Variants in DNAI4 observed in about 807,000 individuals in gnomAD.
The protein encoded by DNAI4 is WD repeat domain 78.
In DNAI4, 85 loss-of-function variants were observed where a neutral mutation model predicts 105.8. The observed-to-expected ratio is 0.80, with a 90% CI of 0.67 to 0.96. The LOEUF (loss-of-function observed/expected upper bound fraction) is 0.96. Ranked by LOEUF, DNAI4 falls within the 40% of genes least tolerant of loss-of-function variation. DNAI4 has a pLI of 0.00. For missense variants in DNAI4, 1,014 were observed against 1,005.6 expected, an observed-to-expected ratio of 1.01 and a Z score of -0.11; for synonymous variants, 352 against 331.5, an observed-to-expected ratio of 1.06 and a Z score of -0.67.
At chr1:66,867,553 AT>A (rs901907697) in intron 6 of DNAI4, among the ~76,000 whole-genome samples, 2 of 147,738 alleles carry the variant, frequency 1.4e-5, no homozygotes, top group East Asian at 2.0e-4. Flanking sequence ...TATTCTTTGG[AT>A]TTTTTTTTAA....
At chr1:66,904,327 C>T (rs1456000938) in intron 2 of DNAI4, among the ~76,000 whole-genome samples, 1 of 152,124 alleles carries the variant, frequency 6.6e-6, no homozygotes, top group African/African-American at 2.4e-5. Context: ...TGTCTACCAG[C>T]CATGTGAGAG....
chr1:66,891,295 T>C, intron 3 of DNAI4, 29 bp from the exon 4 acceptor site: 1 of 1,478,850 alleles, frequency 6.8e-7, no homozygotes, highest in Non-Finnish European at 9.4e-7. Flanking sequence ...AAATTACTCA[T>C]TTATTTAGAT....
At chr1:66,917,141 T>C (rs548350833) in intron 1 of DNAI4, among the ~76,000 whole-genome samples, 7 of 152,230 alleles carry the variant, frequency 4.6e-5, no homozygotes, top group Non-Finnish European at 1.0e-4. Flanking sequence ...TATGAAATGA[T>C]GTTTGGTTTT....
intron 10 of DNAI4, chr1:66,837,485 T>C (rs963115613): frequency 3.8e-6 from 2 of 519,564 alleles, no homozygotes; most frequent in African/African-American, 2.0e-5. Flanking sequence ...TATAACAGCA[T>C]ATAGTACACA....
rs1360525210 is a variant in DNAI4 at position 66,847,603 on chromosome 1, G to A, written c.1172C>T (p.Ser391Leu). 1.9e-6 allele frequency: 3 copies of A among 1,613,956 alleles called. No homozygotes were observed. In the South Asian group the frequency reaches 3.3e-5, roughly 18 times the overall value. Reference protein sequence around the residue: ...AKIHEDEEDHSDAILKSDKFH... With the variant: ...AKIHEDEEDHLDAILKSDKFH... The stretch of plus-strand genomic sequence containing the variant: ...TTTGTCAGATTTTAATATTGCATCT[G>A]AGTGGTCTTCCTCATCTTCATGGAT... The change falls in exon 8 of 17, where the codon TCA becomes TTA. Residue 391 changes from serine (S) to leucine (L), a missense_variant. Coordinates refer to ENST00000371026, the MANE Select transcript of DNAI4 (RefSeq NM_024763.5).
chr1:66,894,898 T>C (rs1311475357), intron 2 of DNAI4, among the ~76,000 whole-genome samples: 1 of 152,190 alleles, frequency 6.6e-6, no homozygotes, highest in East Asian at 1.9e-4. Flanking sequence ...AGCATTTACA[T>C]ATAAATTTTA....
At chr1:66,830,475 A>G (rs1219563927) in intron 13 of DNAI4, among the ~76,000 whole-genome samples, 2 of 152,066 alleles carry the variant, frequency 1.3e-5, no homozygotes, top group African/African-American at 4.8e-5. Flanking sequence ...CTACATCACT[A>G]CAAAAATAAA....
chr1:66,825,166 C>CTTTTTTTTTTTTTT (rs759572433), intron 15 of DNAI4, among the ~76,000 whole-genome samples: 1 of 95,910 alleles, frequency 1.0e-5, no homozygotes, highest in Non-Finnish European at 2.0e-5. Context: ...TAATAACTGT[C>CTTTTTTTTTTTTTT]TTTTTTTTTT....
At chr1:66,845,118 G>C (rs1472079629) in intron 8 of DNAI4, among the ~76,000 whole-genome samples, 1 of 150,500 alleles carries the variant, frequency 6.6e-6, no homozygotes, top group South Asian at 2.1e-4. Context: ...TGGAACCCAG[G>C]AGGTGGAGGT....
chr1:66,840,605 G>T lies in DNAI4; in HGVS notation c.1358C>A (p.Ser453Tyr), dbSNP rs1464658058. 1.9e-6 allele frequency: 3 copies of T among 1,613,924 alleles called. No individual in the cohort carries two copies. Among genetic ancestry groups the T allele is most frequent in the Non-Finnish European group, 2.5e-6 (3 of 1,179,980 alleles). The change falls in exon 9 of 17, where the codon TCT (serine) becomes TAT (tyrosine). Residue 453 changes from serine to tyrosine, a missense_variant. Ser to Tyr is a moderately radical substitution (Grantham distance 144). Transcript: ENST00000371026. Reference protein sequence around the residue: ...SAKHEEVEEESKKEEEEEIHA... With the variant: ...SAKHEEVEEEYKKEEEEEIHA... ...TATTTCTTCTTCCTCCTCCTTCTTA[G>T]ATTCTTCCTCTACCTCTTCATGTTT...
At chr1:66,920,834 A>G (rs1367809237) in intron 1 of DNAI4, among the ~76,000 whole-genome samples, 1 of 152,264 alleles carries the variant, frequency 6.6e-6, no homozygotes, top group African/African-American at 2.4e-5. Flanking sequence ...GACAGAAACA[A>G]GGACAGTAGA....
At chr1:66,846,440 C>A (rs1174666634) in intron 8 of DNAI4, among the ~76,000 whole-genome samples, 1 of 152,054 alleles carries the variant, frequency 6.6e-6, no homozygotes. Flanking sequence ...GCTGGAAATA[C>A]AATAGGCAAA....
Position 66,826,903 on chromosome 1 carries a change from G to T in DNAI4, c.2256C>A (p.Asp752Glu), listed in dbSNP as rs145210188. Residue 752 changes from aspartate to glutamate, a missense_variant, in exon 15 of 17, where the codon GAC (aspartate) becomes GAA (glutamate). Transcript: ENST00000371026. ...AGGATGATTTTGGAGACCAGGCAAC[G>T]TCGTAAACAACAGAAGTAGCTGGAT... ...SFYPATSVVY[D>E]VAWSPKSSYI... The T allele has an allele frequency of 4.3e-6, 7 of 1,613,972 alleles. No homozygotes were observed. Among genetic ancestry groups the T allele is most frequent in the Non-Finnish European group, 5.9e-6 (7 of 1,180,034 alleles).
At chr1:66,815,950 C>G (rs146676109) in intron 16 of DNAI4, among the ~76,000 whole-genome samples, 115 of 152,258 alleles carry the variant, frequency 7.6e-4, no homozygotes, top group African/African-American at 2.6e-3. Context: ...TATCCTACCA[C>G]AAAAGTATTC....
At chr1:66,848,383 C>G (rs536708595) in intron 7 of DNAI4, 18 of 384,100 alleles carry the variant, frequency 4.7e-5, no homozygotes, top group African/African-American at 3.8e-4. Context: ...CCAGGATAAT[C>G]TCTCCATCTG....
At chr1:66,924,584 AGAAAT>A in intron 1 of DNAI4, 73 bp downstream of exon 1, 1 of 1,603,814 alleles carries the variant, frequency 6.2e-7, no homozygotes. Context: ...TTCCAAATCC[AGAAAT>A]GGTATCTATT....
At chr1:66,815,213 A>G (rs954144356) in intron 16 of DNAI4, among the ~76,000 whole-genome samples, 1 of 152,118 alleles carries the variant, frequency 6.6e-6, no homozygotes, top group Non-Finnish European at 1.5e-5. Flanking sequence ...ATCTCTTTCT[A>G]CTTCAGTTTC....
intron 4 of DNAI4, among the ~76,000 whole-genome samples, chr1:66,888,477 G>A (rs868282059): frequency 1.3e-5 from 2 of 152,116 alleles, no homozygotes; most frequent in African/African-American, 4.8e-5. Context: ...GGCAGATCAC[G>A]AGGTCAGCAG....
chr1:66,863,615 C>T (rs769363243), intron 6 of DNAI4, among the ~76,000 whole-genome samples: 8 of 151,930 alleles, frequency 5.3e-5, no homozygotes, highest in Admixed American at 1.3e-4. Context: ...ACCCACACCA[C>T]GCCTGGCTAA....
Sources: gnomAD v4.1 joint callset for allele counts (sites outside exome capture counted in the v4.1 genomes callset) on GRCh38, gnomAD v4.1.1 for gene constraint, MANE v1.5 for transcripts, NCBI Gene and HGNC (gene_info 2026-07-23, HGNC 2026-07-21) for gene names.